The following DNAH7 variants were observed in gnomAD, a reference collection of about 807,000 sequenced individuals.
DNAH7 encodes the protein dynein axonemal heavy chain 7.
DNAH7 carries 397 observed loss-of-function variants against 444.6 expected under a neutral mutation model. The ratio of observed to expected loss-of-function variants is 0.89; its 90% CI spans 0.82 to 0.97. The LOEUF is 0.97. DNAH7 is among the 50% of genes least tolerant of loss of function. The pLI, the probability that DNAH7 is intolerant of heterozygous loss-of-function variation, is 0.00. For missense variants in DNAH7, 4,902 were observed against 4,800.8 expected (o/e 1.02, Z -0.62); for synonymous variants, 1,636 against 1,624.4 (o/e 1.01, Z -0.17).
At chr2:196,033,344 CACAAT>C (rs1465547567) in intron 5 of DNAH7, among the ~76,000 whole-genome samples, 3 of 152,090 alleles carry the variant, frequency 2.0e-5, no homozygotes, top group Non-Finnish European at 4.4e-5. Flanking sequence ...TTTTGAAATG[CACAAT>C]ACATTTACTA....
chr2:195,896,621 G>A (rs1392344885), intron 29 of DNAH7, among the ~76,000 whole-genome samples: 2 of 152,090 alleles, frequency 1.3e-5, no homozygotes, highest in Non-Finnish European at 1.5e-5. Flanking sequence ...AATGTTTGCT[G>A]AATGAATATA....
intron 60 of DNAH7, among the ~76,000 whole-genome samples, chr2:195,774,122 C>G (rs1694962341): frequency 6.6e-6 from 1 of 152,170 alleles, no homozygotes; most frequent in Non-Finnish European, 1.5e-5. Context: ...ACTTATTTGT[C>G]TGGTTCAGAG....
At chr2:196,048,656 A>C (rs1697279881) in intron 3 of DNAH7, among the ~76,000 whole-genome samples, 1 of 152,190 alleles carries the variant, frequency 6.6e-6, no homozygotes, top group Admixed American at 6.6e-5. Context: ...TCTTCATTCT[A>C]GAGAGGCTAC....
In DNAH7 at chr2:195,864,271, T is replaced by G. The variant is rs1020651499; in HGVS notation, c.7384A>C (p.Ile2462Leu). The part of the protein sequence containing the change: ...GSPIALFNMF[I>L]DHCRSQLHVV... ...TGCAGTTGGCTGCGGCAATGATCAA[T>G]AAACATGTTGAAAAGGGCTATGGGG... Residue 2462 changes from isoleucine (I) to leucine (L), a missense_variant, in exon 41 of 65, where the codon ATT becomes CTT. Ile to Leu is a conservative substitution (Grantham distance 5). Coordinates refer to ENST00000312428, the MANE Select transcript of DNAH7 (RefSeq NM_018897.3). 6.2e-7 allele frequency: 1 copy of G among 1,614,038 alleles called. No homozygotes were observed. The highest frequency in any genetic ancestry group is 1.3e-5 in the African/African-American group (1 of 74,936).
intron 17 of DNAH7, among the ~76,000 whole-genome samples, chr2:195,966,145 T>C (rs1385064159): frequency 6.6e-6 from 1 of 152,150 alleles, no homozygotes; most frequent in Non-Finnish European, 1.5e-5. Flanking sequence ...TTTTGTTATG[T>C]TGTGTTTCCA....
At chr2:195,830,810 G>T (rs1466654696) in intron 48 of DNAH7, among the ~76,000 whole-genome samples, 1 of 152,196 alleles carries the variant, frequency 6.6e-6, no homozygotes, top group Admixed American at 6.5e-5. Flanking sequence ...TCCTCATTTT[G>T]TCTGTAATCT....
chr2:195,960,917 G>C lies in DNAH7; in HGVS notation c.2234C>G (p.Ala745Gly). ...ATATACAGATGGTAGCCAACCAAATGCTTCCTCTTCAGCATTAAACTGCTC... is the reference window on the plus strand; with the variant it reads ...ATATACAGATGGTAGCCAACCAAATCCTTCCTCTTCAGCATTAAACTGCTC... ...KIEQFNAEEEAFGWLPSVYPQ... is the reference protein window; with the variant it reads ...KIEQFNAEEEGFGWLPSVYPQ... The change falls in exon 18 of 65, where the codon GCA becomes GGA. Residue 745 changes from alanine (A) to glycine (G), a missense_variant. Coordinates refer to ENST00000312428, the MANE Select transcript of DNAH7 (RefSeq NM_018897.3). The C allele has an allele frequency of 6.2e-7, 1 of 1,605,682 alleles. No individual in the cohort carries two copies. Among genetic ancestry groups the C allele is most frequent in the Non-Finnish European group, 8.5e-7 (1 of 1,174,598 alleles).
chr2:195,877,200 C>T (rs972020758), intron 36 of DNAH7, among the ~76,000 whole-genome samples: 2 of 152,166 alleles, frequency 1.3e-5, no homozygotes, highest in African/African-American at 4.8e-5. Context: ...ACAGGACATA[C>T]CAGAATTCCC....
chr2:195,957,822 G>C (rs1333309237), intron 18 of DNAH7, among the ~76,000 whole-genome samples: 1 of 151,842 alleles, frequency 6.6e-6, no homozygotes, highest in East Asian at 1.9e-4. Context: ...CTATTGGGCT[G>C]GTTTCTGTAT....
intron 58 of DNAH7, 77 bp from the exon 59 acceptor site, chr2:195,778,062 CTAAAT>C (rs1264994668): frequency 1.5e-6 from 2 of 1,300,526 alleles, no homozygotes; most frequent in Admixed American, 6.0e-5. Flanking sequence ...TTTCCTATTA[CTAAAT>C]TAAACATCTT....
intron 3 of DNAH7, among the ~76,000 whole-genome samples, chr2:196,050,930 G>A (rs1320121314): frequency 6.6e-6 from 1 of 152,136 alleles, no homozygotes; most frequent in Non-Finnish European, 1.5e-5. Flanking sequence ...TTACTCCAAC[G>A]CTAATACTCC....
intron 5 of DNAH7, among the ~76,000 whole-genome samples, chr2:196,035,075 G>T (rs1262434667): frequency 6.6e-6 from 1 of 152,066 alleles, no homozygotes; most frequent in African/African-American, 2.4e-5. Flanking sequence ...CCAGGTACTT[G>T]AGAGGCTGAG....
intron 19 of DNAH7, among the ~76,000 whole-genome samples, chr2:195,944,705 T>A (rs1458148400): frequency 6.6e-6 from 1 of 152,126 alleles, no homozygotes; most frequent in Non-Finnish European, 1.5e-5. Flanking sequence ...TGAATCAGAT[T>A]CTATAACTCA....
intron 36 of DNAH7, among the ~76,000 whole-genome samples, chr2:195,877,278 T>C (rs1701117061): frequency 6.6e-6 from 1 of 152,230 alleles, no homozygotes; most frequent in African/African-American, 2.4e-5. Flanking sequence ...TCAAGAGTTC[T>C]GTATAGGGCA....
chr2:195,983,385 G>C (rs1692700678), intron 15 of DNAH7, among the ~76,000 whole-genome samples: 1 of 152,156 alleles, frequency 6.6e-6, no homozygotes, highest in South Asian at 2.1e-4. Flanking sequence ...CATGGTGCCA[G>C]CATCTGCTTC....
At chr2:196,020,575 T>C (rs1695315199) in intron 8 of DNAH7, among the ~76,000 whole-genome samples, 1 of 151,394 alleles carries the variant, frequency 6.6e-6, no homozygotes, top group African/African-American at 2.4e-5. Context: ...ACTTTTTTTG[T>C]GTGTGTGTGT....
intron 9 of DNAH7, 65 bp downstream of exon 9, chr2:196,019,101 ATAAT>A (rs1695208213): frequency 2.3e-6 from 3 of 1,325,958 alleles, no homozygotes; most frequent in Non-Finnish European, 2.9e-6. Flanking sequence ...AGTAAAAGAA[ATAAT>A]TAAGATATAG....
At chr2:196,057,107 C>A (rs1487234248) in intron 2 of DNAH7, among the ~76,000 whole-genome samples, 1 of 152,136 alleles carries the variant, frequency 6.6e-6, no homozygotes, top group Non-Finnish European at 1.5e-5. Flanking sequence ...CAGGAACAAA[C>A]TTTAATATTC....
rs533982826 is a variant in DNAH7, at chr2:195,925,139, A to AT, written c.3612+1286dup. On this transcript the variant is annotated intron_variant, in intron 22 of 64. Transcript: ENST00000312428. ...TTCCTGAAATACTTCATCTTTTTTT[A>AT]TTTTTTTTTTTAAGAAAGATCAGTT... is the stretch of plus-strand genomic sequence containing the variant. Among the ~76,000 whole-genome samples, 246 of 148,644 alleles carry AT rather than the reference A, an allele frequency of 1.7e-3. 2 individuals are homozygous for AT. The highest frequency in any genetic ancestry group is 7.0e-3 in the Middle Eastern group (2 of 286).
Sources: allele counts gnomAD v4.1 joint callset (sites outside exome capture counted in the v4.1 genomes callset), GRCh38; gene constraint gnomAD v4.1.1; transcripts MANE v1.5; gene names NCBI Gene and HGNC (gene_info 2026-07-23, HGNC 2026-07-21).